The following CMSS1 variants were observed in gnomAD, a reference collection of about 807,000 sequenced individuals.
CMSS1 encodes the protein protein CMSS1.
In CMSS1, 33 loss-of-function variants were observed where a neutral mutation model predicts 43.5. The ratio of observed to expected loss-of-function variants is 0.76; its 90% CI spans 0.57 to 1.01. The LOEUF (loss-of-function observed/expected upper bound fraction) is 1.01. Ranked by LOEUF, CMSS1 falls within the 50% of genes least tolerant of loss-of-function variation. The pLI is 0.00. For synonymous variants in CMSS1, 115 were observed against 117.2 expected (o/e 0.98, Z 0.12); for missense variants, 313 against 326.4 (o/e 0.96, Z 0.32).
chr3:100,117,854 CATATATATATATATATATATAT>C (rs58609128), intron 1 of CMSS1, among the ~76,000 whole-genome samples: 5 of 90,748 alleles, frequency 5.5e-5, no homozygotes, highest in African/African-American at 2.5e-4. Context: ...TATATATATA[CATATATATATATATATATATAT>C]ATACACATAC....
intron 1 of CMSS1, among the ~76,000 whole-genome samples, chr3:99,901,632 A>G (rs1209780524): frequency 1.3e-5 from 2 of 152,356 alleles, no homozygotes; most frequent in South Asian, 2.1e-4. Flanking sequence ...AGCGATGTGT[A>G]TTCTAAAGCT....
At chr3:99,919,080 A>T (rs2107648208) in intron 1 of CMSS1, among the ~76,000 whole-genome samples, 1 of 152,296 alleles carries the variant, frequency 6.6e-6, no homozygotes, top group South Asian at 2.1e-4. Context: ...TTAAAGCTTT[A>T]TACCCACTGT....
chr3:100,109,525 T>C (rs1345529872), intron 1 of CMSS1, among the ~76,000 whole-genome samples: 1 of 152,170 alleles, frequency 6.6e-6, no homozygotes, highest in African/African-American at 2.4e-5. Flanking sequence ...ATGTGTTTTC[T>C]GTCCCTATAG....
intron 1 of CMSS1, among the ~76,000 whole-genome samples, chr3:100,102,995 C>G (rs981173497): frequency 1.3e-5 from 2 of 152,190 alleles, no homozygotes; most frequent in Non-Finnish European, 2.9e-5. Flanking sequence ...TATGGCACTA[C>G]AGGTGCCAGT....
chr3:99,902,507 G>T (rs908799354), intron 1 of CMSS1, among the ~76,000 whole-genome samples: 2 of 152,140 alleles, frequency 1.3e-5, no homozygotes, highest in African/African-American at 4.8e-5. Flanking sequence ...ATATATAAGG[G>T]TATCTAGCTG....
intron 1 of CMSS1, among the ~76,000 whole-genome samples, chr3:100,096,196 G>A (rs1476121354): frequency 6.6e-6 from 1 of 152,152 alleles, no homozygotes; most frequent in Non-Finnish European, 1.5e-5. Context: ...GTGGACAACA[G>A]TTTGGAGGTT....
chr3:100,098,727 C>T (rs2066255242), intron 1 of CMSS1, among the ~76,000 whole-genome samples: 2 of 152,102 alleles, frequency 1.3e-5, no homozygotes, highest in Non-Finnish European at 2.9e-5. Context: ...AATGTCATTG[C>T]CGTATACAGA....
chr3:100,093,543 A>T (rs987221237), intron 1 of CMSS1, among the ~76,000 whole-genome samples: 2 of 152,204 alleles, frequency 1.3e-5, no homozygotes, highest in African/African-American at 4.8e-5. Flanking sequence ...ATGCAGAGTG[A>T]TTCCACATAC....
chr3:100,172,487 A>T, intron 8 of CMSS1, 84 bp downstream of exon 8: 2 of 1,033,862 alleles, frequency 1.9e-6, no homozygotes, highest in African/African-American at 1.6e-5. Context: ...TAAATTCAGG[A>T]TATACAAAAA....
At chr3:100,098,605 G>T (rs1576057663) in intron 1 of CMSS1, among the ~76,000 whole-genome samples, 2 of 152,274 alleles carry the variant, frequency 1.3e-5, no homozygotes, top group South Asian at 4.1e-4. Flanking sequence ...GTACATGCAA[G>T]GAAGTTATTT....
At chr3:99,842,153 A>G (rs1027315156) in intron 1 of CMSS1, among the ~76,000 whole-genome samples, 37 of 152,244 alleles carry the variant, frequency 2.4e-4, no homozygotes, top group African/African-American at 8.2e-4. Flanking sequence ...CTACTCGGCC[A>G]TGAAAAGGAA....
chr3:100,102,239 A>G (rs927636824), intron 1 of CMSS1, among the ~76,000 whole-genome samples: 4 of 152,224 alleles, frequency 2.6e-5, no homozygotes, highest in East Asian at 1.9e-4. Flanking sequence ...TCCCATCAAC[A>G]GTGTAAAAGT....
At chr3:99,848,382 C>T (rs1378634219) in intron 1 of CMSS1, 2 of 1,613,928 alleles carry the variant, frequency 1.2e-6, no homozygotes, top group African/African-American at 2.7e-5. Flanking sequence ...TGTTTAGTGC[C>T]CCGTTAATTA....
intron 3 of CMSS1, among the ~76,000 whole-genome samples, chr3:100,162,034 T>C (rs1484009179): frequency 6.6e-6 from 1 of 152,230 alleles, no homozygotes; most frequent in African/African-American, 2.4e-5. Flanking sequence ...TACCCCAGTA[T>C]GGAGATGCCT....
chr3:100,045,611 G>C (rs544477721), intron 1 of CMSS1, among the ~76,000 whole-genome samples: 48 of 152,166 alleles, frequency 3.2e-4, no homozygotes, highest in African/African-American at 1.2e-3. Context: ...GATTTCTGAG[G>C]CTGCCCCCAG....
At chr3:99,970,061 T>C (rs889701721) in intron 1 of CMSS1, among the ~76,000 whole-genome samples, 1 of 152,260 alleles carries the variant, frequency 6.6e-6, no homozygotes, top group African/African-American at 2.4e-5. Flanking sequence ...ATAAGCCATA[T>C]AAACTTGTTG....
At chr3:100,156,525 T>C (rs1320129723) in intron 2 of CMSS1, among the ~76,000 whole-genome samples, 2 of 151,776 alleles carry the variant, frequency 1.3e-5, no homozygotes, top group African/African-American at 4.8e-5. Flanking sequence ...GTCAGGCTGG[T>C]CTTGAACTCC....
chr3:100,152,155 C>T (rs1400690767), intron 2 of CMSS1, among the ~76,000 whole-genome samples: 1 of 151,596 alleles, frequency 6.6e-6, no homozygotes, highest in East Asian at 1.9e-4. Context: ...CTCCATGGTT[C>T]TTGGCTCTGC....
At chr3:99,968,441 A>G (rs1708719949) in intron 1 of CMSS1, among the ~76,000 whole-genome samples, 1 of 152,060 alleles carries the variant, frequency 6.6e-6, no homozygotes, top group Non-Finnish European at 1.5e-5. Context: ...AAAAAAAAAA[A>G]AAGACTGAAT....
Sources: allele counts gnomAD v4.1 joint callset (sites outside exome capture counted in the v4.1 genomes callset), GRCh38; gene constraint gnomAD v4.1.1; transcripts MANE v1.5; gene names NCBI Gene and HGNC (gene_info 2026-07-23, HGNC 2026-07-21).